LRCH4: variants seen among roughly 807,000 people sequenced by gnomAD.
The protein encoded by LRCH4 is leucine-rich repeat and calponin homology domain-containing protein 4.
In LRCH4, 56 loss-of-function variants were observed where a neutral mutation model predicts 81.2. The ratio of observed to expected loss-of-function variants is 0.69; its 90% CI spans 0.56 to 0.86. The LOEUF is 0.86. Among genes scored for constraint, LRCH4 ranks in the 40% least tolerant of loss-of-function variants. The pLI is 0.00. For synonymous variants in LRCH4, 442 were observed against 409.7 expected, an observed-to-expected ratio of 1.08 and a Z score of -0.95; for missense variants, 895 against 922.8, an observed-to-expected ratio of 0.97 and a Z score of 0.39.
In LRCH4 at chr7:100,582,536, C is replaced by T. The variant is rs1801594201; in HGVS notation, c.221-77G>A. 2.8e-6 allele frequency: 4 copies of T among 1,443,626 alleles called. No homozygotes were observed. The East Asian group carries it at 7.3e-5, about 26-fold the overall frequency. The allele number at this position is 1,443,626 out of a possible 1,614,324, so 89.4% of individuals were successfully genotyped here. On this transcript the variant is annotated intron_variant, in intron 1 of 17. Coordinates refer to ENST00000310300, the MANE Select transcript of LRCH4 (RefSeq NM_002319.5). The surrounding 1 kb of genome is among the most constrained non-coding windows in gnomAD (Gnocchi z 5.0). Reference sequence around the variant, plus strand: ...GGACCTTCAGTCCCCCCAGAGCCGGCTGCCCACTCCCTCACCTCCACACCT... The same window carrying T: ...GGACCTTCAGTCCCCCCAGAGCCGGTTGCCCACTCCCTCACCTCCACACCT...
chr7:100,575,346 C>T lies in LRCH4; in HGVS notation c.1855-42G>A, dbSNP rs555952544. The T allele has an allele frequency of 1.3e-5, 20 of 1,492,906 alleles. No individual in the cohort carries two copies. The Admixed American group carries it at 1.9e-4, about 14-fold the overall frequency. The allele number at this position is 1,492,906 out of a possible 1,614,324, so 92.5% of individuals were successfully genotyped here. A position where few individuals can be genotyped will look rare whatever the true frequency, so the allele number is the denominator to read the frequency against. On this transcript the variant is annotated intron_variant, in intron 17 of 17. Coordinates refer to ENST00000310300, the MANE Select transcript of LRCH4 (RefSeq NM_002319.5). This position sits in a 1 kb window ranked among gnomAD's most constrained non-coding sequence, Gnocchi z 5.3. ...CAGGTGGACAAGGACAAGGGACAGA[C>T]GTCAGCAGCAGCAGCAGGACAGTCC...
In LRCH4 at chr7:100,581,842, A is replaced by G; in HGVS notation, c.533T>C (p.Leu178Pro). 6.2e-7 allele frequency: 1 copy of G among 1,614,148 alleles called. No individual in the cohort carries two copies. Among genetic ancestry groups the G allele is most frequent in the Non-Finnish European group, 8.5e-7 (1 of 1,180,020 alleles). The part of the protein sequence containing the change: ...SNELQSLPSE[L>P]CGLSSLRDLN... ...GTCCCGCAGGGAAGAGAGGCCACAC[A>G]GTTCCGAGGGCAGGGATTGGAGCTC... The change falls in exon 4 of 18, where the codon CTG (leucine) becomes CCG (proline). Residue 178 changes from leucine to proline, a missense_variant. This residue lies in a region of LRCH4 where 360 missense variants were observed against 397.0 expected (regional missense o/e 0.91). Transcript: ENST00000310300.
Position 100,575,327 on chromosome 7 carries a change from G to A in LRCH4, c.1855-23C>T. ...AGCCTGGGGGAGAGGAGAGCAGGTGGACAAGGACAAGGGACAGACGTCAGC... is the reference window on the plus strand; with the variant it reads ...AGCCTGGGGGAGAGGAGAGCAGGTGAACAAGGACAAGGGACAGACGTCAGC... On this transcript the variant is annotated intron_variant, in intron 17 of 17. Coordinates refer to ENST00000310300, the MANE Select transcript of LRCH4 (RefSeq NM_002319.5). The surrounding 1 kb of genome is among the most constrained non-coding windows in gnomAD (Gnocchi z 5.3). The A allele has an allele frequency of 6.6e-7, 1 of 1,519,268 alleles. No individual in the cohort carries two copies. The highest frequency in any genetic ancestry group is 8.9e-7 in the Non-Finnish European group (1 of 1,127,300). The allele number at this position is 1,519,268 out of a possible 1,614,324, so 94.1% of individuals were successfully genotyped here.
chr7:100,582,215 C>T lies in LRCH4; in HGVS notation c.366-48G>A. ...GGACTGGCTCCCCAGGCATGGCATC[C>T]CAGCACTGCCATCCTCTCGGGGTCA... On this transcript the variant is annotated intron_variant, in intron 2 of 17. Coordinates refer to ENST00000310300, the MANE Select transcript of LRCH4 (RefSeq NM_002319.5). This position sits in a 1 kb window ranked among gnomAD's most constrained non-coding sequence, Gnocchi z 5.0. 1 of 1,613,218 alleles carries T rather than the reference C, an allele frequency of 6.2e-7. No homozygotes were observed. The highest frequency in any genetic ancestry group is 8.5e-7 in the Non-Finnish European group (1 of 1,179,782).
chr7:100,583,948 A>G lies in LRCH4; in HGVS notation c.221-1489T>C. The G allele has an allele frequency of 3.0e-6, 1 of 332,336 alleles. No homozygotes were observed. The highest frequency in any genetic ancestry group is 6.1e-6 in the Non-Finnish European group (1 of 164,338). 20.6% of individuals were successfully genotyped at this position (332,336 alleles called of 1,614,324 possible). ...GCAGGAGGCAGGGCACTGGGGGCAC[A>G]GGATGTGGTCTGGGAGAGAATGAGC... On this transcript the variant is annotated intron_variant, in intron 1 of 17. Coordinates refer to ENST00000310300, the MANE Select transcript of LRCH4 (RefSeq NM_002319.5). The surrounding 1 kb of genome is among the most constrained non-coding windows in gnomAD (Gnocchi z 4.3).
chr7:100,574,844 AGGGCAG>A lies in LRCH4; in HGVS notation c.*257_*262del. 1 of 423,654 alleles carries A rather than the reference AGGGCAG, an allele frequency of 2.4e-6. No homozygotes were observed. The highest frequency in any genetic ancestry group is 4.2e-6 in the Non-Finnish European group (1 of 235,366). 26.2% of individuals were successfully genotyped at this position (423,654 alleles called of 1,614,324 possible). ...TCCTGCCACCCCTCACGGGGTACAG[AGGGCAG>A]GGGCAGGGCCGGCGGGGACATGAAG... On this transcript the variant is annotated 3_prime_UTR_variant, in exon 18 of 18. Transcript: ENST00000310300.
At position 100,585,872 on chromosome 7, in the gene LRCH4, T is replaced by C. The variant is rs1321173100; in HGVS notation, c.220+9A>G. 6.3e-7 allele frequency: 1 copy of C among 1,588,418 alleles called. No homozygotes were observed. Among genetic ancestry groups the C allele is most frequent in the Non-Finnish European group, 8.6e-7 (1 of 1,164,458 alleles). ...GACCCGGTTGGGCCCGGGGCCCGGC[T>C]GCACTCACCAGCCTGGGTGATGTCT... On this transcript the variant is annotated intron_variant, in intron 1 of 17. Transcript: ENST00000310300.
intron 1 of LRCH4, among the ~76,000 whole-genome samples, chr7:100,585,527 G>C (rs1040616885): frequency 7.2e-5 from 11 of 151,948 alleles, no homozygotes; most frequent in African/African-American, 2.7e-4. Flanking sequence ...AGAGGAGCTC[G>C]TGGGGACTGC....
chr7:100,581,982 C>G, intron 3 of LRCH4, 59 bp downstream of exon 3: 1 of 1,602,312 alleles, frequency 6.2e-7, no homozygotes. Context: ...CAACCTCCCC[C>G]TAGAAGGTCC....
Position 100,582,067 on chromosome 7 carries a change from C to A in LRCH4, c.466G>T (p.Gly156Cys). ...AGCTGTCGCAGGCTTCCCAGGGTGC[C>A]GATGTCAGGGGGCAGGGCTCCCAGC... ...NKLGALPPDI[G>C]TLGSLRQLDV... Residue 156 changes from glycine (G) to cysteine (C), a missense_variant, in exon 3 of 18, where the codon GGC becomes TGC. By Grantham distance (159) the Gly-to-Cys change is radical (BLOSUM62 -3). This residue lies in a region of LRCH4 where 360 missense variants were observed against 397.0 expected (regional missense o/e 0.91). Coordinates refer to ENST00000310300, the MANE Select transcript of LRCH4 (RefSeq NM_002319.5). The surrounding 1 kb of genome is among the most constrained non-coding windows in gnomAD (Gnocchi z 5.0). 6.2e-7 allele frequency: 1 copy of A among 1,611,016 alleles called. No homozygotes were observed. Among genetic ancestry groups the A allele is most frequent in the South Asian group, 1.1e-5 (1 of 90,974 alleles).
rs1042110258 is a variant in LRCH4 at position 100,582,555 on chromosome 7, C to T, written c.221-96G>A. On this transcript the variant is annotated intron_variant, in intron 1 of 17. Transcript: ENST00000310300. This position sits in a 1 kb window ranked among gnomAD's most constrained non-coding sequence, Gnocchi z 5.0. ...AGCCGGCTGCCCACTCCCTCACCTC[C>T]ACACCTAAAGATTCAAGGCCATCAA... 2.4e-5 allele frequency: 30 copies of T among 1,252,974 alleles called. No homozygotes were observed. Among genetic ancestry groups the T allele is most frequent in the Non-Finnish European group, 3.1e-5 (28 of 897,516 alleles). 77.6% of individuals were successfully genotyped at this position (1,252,974 alleles called of 1,614,324 possible).
Position 100,575,313 on chromosome 7 carries a change from G to A in LRCH4, c.1855-9C>T. 1 of 1,533,426 alleles carries A rather than the reference G, an allele frequency of 6.5e-7. No homozygotes were observed. The highest frequency in any genetic ancestry group is 1.2e-5 in the South Asian group (1 of 83,064). The allele number at this position is 1,533,426 out of a possible 1,614,324, so 95.0% of individuals were successfully genotyped here. A position where few individuals can be genotyped will look rare whatever the true frequency, so the allele number is the denominator to read the frequency against. On this transcript the variant is annotated splice_polypyrimidine_tract_variant and intron_variant, in intron 17 of 17. Transcript: ENST00000310300. This position sits in a 1 kb window ranked among gnomAD's most constrained non-coding sequence, Gnocchi z 5.3. Reference sequence around the variant, plus strand: ...GGCGAGCACAGGTCAGCCTGGGGGAGAGGAGAGCAGGTGGACAAGGACAAG... The same window carrying A: ...GGCGAGCACAGGTCAGCCTGGGGGAAAGGAGAGCAGGTGGACAAGGACAAG...
Position 100,586,073 on chromosome 7 carries a change from C to A in LRCH4, c.28G>T (p.Ala10Ser). The change falls in exon 1 of 18, where the codon GCC (alanine) becomes TCC (serine). Residue 10 changes from alanine (A) to serine (S), a missense_variant. By Grantham distance (99) the Ala-to-Ser change is moderately conservative. Around this residue, in one of 3 missense-constraint regions of LRCH4, gnomAD observed 360 missense variants for 397.0 expected, o/e 0.91. Transcript: ENST00000310300. MAAAVAAPLAAGGEEAAATT... is the reference protein window; with the variant it reads MAAAVAAPLSAGGEEAAATT... ...GCTGCCGCCTCCTCACCCCCGGCGG[C>A]GAGTGGAGCCGCTACGGCCGCCGCC... 1 of 1,547,934 alleles carries A rather than the reference C, an allele frequency of 6.5e-7. No homozygotes were observed. Among genetic ancestry groups the A allele is most frequent in the Admixed American group, 2.0e-5 (1 of 50,658 alleles).
rs201757672 is a variant in LRCH4 at position 100,577,328 on chromosome 7, G to A, written c.1240C>T (p.Arg414Trp). 1,144 of 1,598,544 alleles carry A rather than the reference G, an allele frequency of 7.2e-4. 2 individuals are homozygous for A. The highest frequency in any genetic ancestry group is 9.2e-4 in the Non-Finnish European group (1,080 of 1,178,870). ...RPDTLQLWQERERRQQQQSGA... is the reference protein window; with the variant it reads ...RPDTLQLWQEWERRQQQQSGA... ...CTCTGCTGCTGCTGCCGCCGTTCCCGCTCCTGCCACAGCTGCAAGGTGTCC... is the reference window on the plus strand; with the variant it reads ...CTCTGCTGCTGCTGCCGCCGTTCCCACTCCTGCCACAGCTGCAAGGTGTCC... Residue 414 changes from arginine (R) to tryptophan (W), a missense_variant, in exon 11 of 18, where the codon CGG (arginine) becomes TGG (tryptophan). Transcript: ENST00000310300. This position sits in a 1 kb window ranked among gnomAD's most constrained non-coding sequence, Gnocchi z 6.7.
At chr7:100,581,728 C>T (rs1801564401) in intron 4 of LRCH4, 49 bp downstream of exon 4, 1 of 1,554,340 alleles carries the variant, frequency 6.4e-7, no homozygotes, top group Non-Finnish European at 8.9e-7. Flanking sequence ...CCTGAGCCAA[C>T]TGGGACGCAC....
In LRCH4 at chr7:100,577,022, G is replaced by A. The variant is rs1158442670; in HGVS notation, c.1365-17C>T. ...GGCGAGCCGCTGAGGAGAGACAGAA[G>A]GGAATTAGAGGGATGATGGTCATAG... On this transcript the variant is annotated splice_polypyrimidine_tract_variant and intron_variant, in intron 12 of 17. Coordinates refer to ENST00000310300, the MANE Select transcript of LRCH4 (RefSeq NM_002319.5). The surrounding 1 kb of genome is among the most constrained non-coding windows in gnomAD (Gnocchi z 6.7). 1 of 1,613,844 alleles carries A rather than the reference G, an allele frequency of 6.2e-7. No individual in the cohort carries two copies. Among genetic ancestry groups the A allele is most frequent in the East Asian group, 2.2e-5 (1 of 44,874 alleles).
At chr7:100,584,033 C>T (rs1216686334) in intron 1 of LRCH4, 1 of 408,204 alleles carries the variant, frequency 2.4e-6, no homozygotes, top group Non-Finnish European at 5.0e-6. Flanking sequence ...CCTACTATCA[C>T]CCCAGGGAGC....
intron 4 of LRCH4, among the ~76,000 whole-genome samples, chr7:100,581,296 C>T (rs576816341): frequency 1.3e-5 from 2 of 152,228 alleles, no homozygotes; most frequent in African/African-American, 4.8e-5. Context: ...GTTTTATATA[C>T]TGCAAAAGCC....
rs1354271232 is a variant in LRCH4, at chr7:100,576,533, C to A, written c.1552+161G>T. The stretch of plus-strand genomic sequence containing the variant: ...CCCACCTGGGCCTCCTAAAGTGCTG[C>A]GATTACAGGTGTGAGCCACCACACC... On this transcript the variant is annotated intron_variant, in intron 14 of 17. Coordinates refer to ENST00000310300, the MANE Select transcript of LRCH4 (RefSeq NM_002319.5). The A allele has an allele frequency of 1.4e-5, 10 of 706,410 alleles. No homozygotes were observed. In the Admixed American group the frequency reaches 2.7e-4, roughly 19 times the overall value. 43.8% of individuals were successfully genotyped at this position (706,410 alleles called of 1,614,324 possible).
Sources: gnomAD v4.1 joint callset for allele counts (sites outside exome capture counted in the v4.1 genomes callset) on GRCh38, gnomAD v4.1.1 for gene constraint, gnomAD v4.1.1 regional missense constraint, Gnocchi (gnomAD v3.1) non-coding constraint, MANE v1.5 for transcripts, NCBI Gene and HGNC (gene_info 2026-07-23, HGNC 2026-07-21) for gene names.